NIBAN1: variants seen among roughly 807,000 people sequenced by gnomAD.
NIBAN1 encodes niban apoptosis regulator 1.
In NIBAN1, 81 loss-of-function variants were observed where a neutral mutation model predicts 75.1. The observed-to-expected ratio is 1.08, with a 90% CI of 0.90 to 1.30. NIBAN1 has a LOEUF of 1.30. Among genes scored for constraint, NIBAN1 ranks in the 50% most tolerant of loss-of-function variants. The pLI is 0.00. For missense variants in NIBAN1, 1,133 were observed against 1,128.1 expected (o/e 1.00, Z -0.06); for synonymous variants, 436 against 424.8 (o/e 1.03, Z -0.32).
chr1:184,965,345 A>C (rs993028633), intron 1 of NIBAN1, among the ~76,000 whole-genome samples: 1 of 152,012 alleles, frequency 6.6e-6, no homozygotes, highest in Admixed American at 6.6e-5. Flanking sequence ...TAGTCTTCAC[A>C]AAAGGATTGA....
chr1:184,930,799 G>A (rs1382077503), intron 1 of NIBAN1, among the ~76,000 whole-genome samples: 1 of 152,172 alleles, frequency 6.6e-6, no homozygotes, highest in Non-Finnish European at 1.5e-5. Context: ...CCTTTGATAA[G>A]ATGATTGTGG....
At chr1:184,967,454 G>A (rs1464474045) in intron 1 of NIBAN1, among the ~76,000 whole-genome samples, 1 of 152,048 alleles carries the variant, frequency 6.6e-6, no homozygotes, top group Non-Finnish European at 1.5e-5. Flanking sequence ...TTCTGATTAG[G>A]AGATTAAAGT....
At chr1:184,971,298 A>G (rs2102096363) in intron 1 of NIBAN1, among the ~76,000 whole-genome samples, 1 of 152,202 alleles carries the variant, frequency 6.6e-6, no homozygotes, top group East Asian at 1.9e-4. Flanking sequence ...AAAAGAAAAG[A>G]AAAGAAAACA....
chr1:184,957,325 G>C (rs114332033), intron 1 of NIBAN1, among the ~76,000 whole-genome samples: 25 of 152,128 alleles, frequency 1.6e-4, no homozygotes, highest in African/African-American at 6.0e-4. Flanking sequence ...TAAACCCTGC[G>C]TCCGACTCTT....
At chr1:184,929,358 C>G (rs1007552028) in intron 1 of NIBAN1, among the ~76,000 whole-genome samples, 4 of 151,972 alleles carry the variant, frequency 2.6e-5, no homozygotes, top group African/African-American at 9.7e-5. Context: ...CACCAAAAAC[C>G]CAATCTTAAA....
At chr1:184,877,866 C>A (rs1446243036) in intron 5 of NIBAN1, among the ~76,000 whole-genome samples, 1 of 151,986 alleles carries the variant, frequency 6.6e-6, no homozygotes, top group East Asian at 1.9e-4. Context: ...AAAAACTGTC[C>A]AGTGATTTTG....
At chr1:184,806,595 C>A (rs1182122656) in intron 10 of NIBAN1, among the ~76,000 whole-genome samples, 1 of 152,078 alleles carries the variant, frequency 6.6e-6, no homozygotes, top group Non-Finnish European at 1.5e-5. Flanking sequence ...ACGAAAGAGA[C>A]TTCTGCTAAA....
intron 5 of NIBAN1, among the ~76,000 whole-genome samples, chr1:184,882,594 G>A (rs1405604245): frequency 6.6e-6 from 1 of 152,198 alleles, no homozygotes; most frequent in African/African-American, 2.4e-5. Flanking sequence ...ATAACATACT[G>A]GAGAGCAGAG....
At chr1:184,828,404 C>A (rs1301288246) in intron 6 of NIBAN1, among the ~76,000 whole-genome samples, 2 of 152,322 alleles carry the variant, frequency 1.3e-5, no homozygotes, top group East Asian at 3.9e-4. Flanking sequence ...ATAAACCCAG[C>A]ACTTTAAACA....
intron 1 of NIBAN1, among the ~76,000 whole-genome samples, chr1:184,931,215 G>T (rs577822223): frequency 6.6e-6 from 1 of 152,024 alleles, no homozygotes; most frequent in African/African-American, 2.4e-5. Flanking sequence ...GGCCAGGCTG[G>T]TCTCGAACTC....
At chr1:184,931,000 T>TTTTC (rs199807184) in intron 1 of NIBAN1, among the ~76,000 whole-genome samples, 2,880 of 126,878 alleles carry the variant, frequency 0.023, 157 homozygotes, top group African/African-American at 0.11. Context: ...TCTTCTTCTT[T>TTTTC]TTTTTTTTTT....
intron 1 of NIBAN1, among the ~76,000 whole-genome samples, chr1:184,899,807 C>CTTTTTT (rs66802117): frequency 1.7e-4 from 17 of 100,344 alleles, no homozygotes; most frequent in South Asian, 7.4e-4. Context: ...ACATCACTCT[C>CTTTTTT]TTTTTTTTTT....
chr1:184,839,262 G>A (rs751221959), intron 5 of NIBAN1, among the ~76,000 whole-genome samples: 2 of 152,066 alleles, frequency 1.3e-5, no homozygotes, highest in African/African-American at 2.4e-5. Flanking sequence ...CTAAAGTCCT[G>A]TTATAACAGT....
intron 1 of NIBAN1, among the ~76,000 whole-genome samples, chr1:184,950,146 A>G (rs1658324452): frequency 6.6e-6 from 1 of 152,050 alleles, no homozygotes; most frequent in South Asian, 2.1e-4. Context: ...AAATGAATGC[A>G]TTCACCCTGT....
At chr1:184,834,306 C>T (rs561334751) in intron 5 of NIBAN1, among the ~76,000 whole-genome samples, 134 of 152,226 alleles carry the variant, frequency 8.8e-4, no homozygotes, top group Non-Finnish European at 1.5e-3. Flanking sequence ...GTGAATAGTG[C>T]CACAATAAAC....
chr1:184,891,015 A>G, intron 3 of NIBAN1, among the ~76,000 whole-genome samples: 1 of 152,214 alleles, frequency 6.6e-6, no homozygotes, highest in Non-Finnish European at 1.5e-5. Flanking sequence ...GAAACTAAGA[A>G]AGTTTGAGAC....
At chr1:184,837,939 C>A (rs1655181696) in intron 5 of NIBAN1, among the ~76,000 whole-genome samples, 1 of 152,204 alleles carries the variant, frequency 6.6e-6, no homozygotes, top group African/African-American at 2.4e-5. Flanking sequence ...TTCCTTCTTT[C>A]CCTCAGTGAT....
At chr1:184,858,547 G>A (rs1404512644) in intron 5 of NIBAN1, among the ~76,000 whole-genome samples, 3 of 152,044 alleles carry the variant, frequency 2.0e-5, no homozygotes, top group South Asian at 2.1e-4. Context: ...AGCAAGAGCC[G>A]AAATACCTAT....
Position 184,890,232 on chromosome 1 carries a change from GA to G in NIBAN1, c.319-11del. 6.3e-7 allele frequency: 1 copy of G among 1,588,274 alleles called. No individual in the cohort carries two copies. The highest frequency in any genetic ancestry group is 8.6e-7 in the Non-Finnish European group (1 of 1,156,560). ...CTCCTCTCTGATAGGCCTGGGGAGG[GA>G]AAGGCACACAGGAATGATATCTTTT... On this transcript the variant is annotated splice_polypyrimidine_tract_variant and intron_variant, in intron 3 of 13. Coordinates refer to ENST00000367511, the MANE Select transcript of NIBAN1 (RefSeq NM_052966.4).
Sources: allele counts gnomAD v4.1 joint callset (sites outside exome capture counted in the v4.1 genomes callset), GRCh38; gene constraint gnomAD v4.1.1; transcripts MANE v1.5; gene names NCBI Gene and HGNC (gene_info 2026-07-23, HGNC 2026-07-21).